The following EYS variants were observed in gnomAD, a reference collection of about 807,000 sequenced individuals.
EYS encodes protein eyes shut homolog.
Under a neutral mutation model 282.1 loss-of-function variants are expected in EYS, and 250 were observed. The observed-to-expected ratio is 0.89, with a 90% CI of 0.80 to 0.98. EYS has a LOEUF of 0.98. EYS is among the 50% of genes least tolerant of loss of function. EYS has a pLI of 0.00. For synonymous variants in EYS, 1,355 were observed against 1,282.9 expected, an observed-to-expected ratio of 1.06 and a Z score of -1.20; for missense variants, 4,016 against 3,709.0, an observed-to-expected ratio of 1.08 and a Z score of -2.15.
intron 5 of EYS, among the ~76,000 whole-genome samples, chr6:65,407,475 C>T (rs907010125): frequency 1.3e-5 from 2 of 152,008 alleles, no homozygotes; most frequent in Non-Finnish European, 2.9e-5. Context: ...AGGCTGGTCT[C>T]GAACTCCTGA....
chr6:64,045,778 A>G (rs940862470), intron 33 of EYS, among the ~76,000 whole-genome samples: 1 of 151,000 alleles, frequency 6.6e-6, no homozygotes, highest in Non-Finnish European at 1.5e-5. Context: ...GTTAAATATT[A>G]TGCAATATGT....
chr6:64,575,860 G>A (rs1423733725), intron 26 of EYS, among the ~76,000 whole-genome samples: 2 of 151,990 alleles, frequency 1.3e-5, no homozygotes, highest in Non-Finnish European at 2.9e-5. Flanking sequence ...TGAAAATTTG[G>A]GGACAGGCTA....
At chr6:64,010,729 T>A (rs940884075) in intron 33 of EYS, among the ~76,000 whole-genome samples, 1 of 152,176 alleles carries the variant, frequency 6.6e-6, no homozygotes, top group African/African-American at 2.4e-5. Context: ...ACCTGCTGAA[T>A]GAGAAACGTA....
chr6:65,262,167 A>T (rs79309285), intron 12 of EYS, among the ~76,000 whole-genome samples: 4,081 of 152,138 alleles, frequency 0.027, 168 homozygotes, highest in African/African-American at 0.091. Flanking sequence ...AGAACTCATT[A>T]TATCTTTCCA....
chr6:65,389,118 C>G (rs1407809897), intron 7 of EYS, among the ~76,000 whole-genome samples: 2 of 152,080 alleles, frequency 1.3e-5, no homozygotes, highest in African/African-American at 4.8e-5. Flanking sequence ...TGTACAGTTT[C>G]CTTTCAAAAC....
At chr6:64,296,591 T>TAA (rs1769028578) in intron 30 of EYS, among the ~76,000 whole-genome samples, 1 of 4,618 alleles carries the variant, frequency 2.2e-4, no homozygotes, top group Non-Finnish European at 4.8e-4. Context: ...TATACATATA[T>TAA]ATATATATTT....
chr6:64,427,854 T>C (rs1774456660), intron 28 of EYS, among the ~76,000 whole-genome samples: 1 of 152,146 alleles, frequency 6.6e-6, no homozygotes, highest in African/African-American at 2.4e-5. Context: ...AGGAATTTGA[T>C]AGTATTTGTA....
intron 12 of EYS, among the ~76,000 whole-genome samples, chr6:65,273,450 A>C (rs1767957225): frequency 6.6e-6 from 1 of 151,498 alleles, no homozygotes; most frequent in Non-Finnish European, 1.5e-5. Flanking sequence ...AGGGTTACAA[A>C]GAAAAGAACA....
intron 5 of EYS, among the ~76,000 whole-genome samples, chr6:65,426,860 TAA>T (rs2150380928): frequency 6.6e-6 from 1 of 152,272 alleles, no homozygotes; most frequent in Admixed American, 6.5e-5. Flanking sequence ...ATGTAACATC[TAA>T]AAATGAATCT....
chr6:63,802,715 C>T (rs750637758), intron 37 of EYS, among the ~76,000 whole-genome samples: 1 of 151,566 alleles, frequency 6.6e-6, no homozygotes, highest in African/African-American at 2.4e-5. Context: ...ACGTTATACC[C>T]CATAAATATG....
chr6:64,664,711 T>A (rs927443954), intron 22 of EYS, among the ~76,000 whole-genome samples: 1 of 152,106 alleles, frequency 6.6e-6, no homozygotes, highest in Admixed American at 6.5e-5. Flanking sequence ...CAGAGGGAGC[T>A]CATTTGACCT....
chr6:65,647,438 G>T (rs1262354321), intron 1 of EYS, among the ~76,000 whole-genome samples: 9 of 152,176 alleles, frequency 5.9e-5, no homozygotes, highest in Admixed American at 5.9e-4. Context: ...TTCTACAAAT[G>T]ATGCTGGGAT....
chr6:63,729,329 C>G (rs912495586), intron 41 of EYS, among the ~76,000 whole-genome samples: 25 of 152,034 alleles, frequency 1.6e-4, no homozygotes, highest in African/African-American at 6.0e-4. Flanking sequence ...TTAATGAAAT[C>G]TAATTTATCA....
intron 35 of EYS, among the ~76,000 whole-genome samples, chr6:63,960,459 A>AT (rs760482274): frequency 2.0e-5 from 3 of 152,230 alleles, no homozygotes; most frequent in Non-Finnish European, 4.4e-5. Context: ...ATGACAAAGG[A>AT]TTTAGAGTAT....
At chr6:65,484,968 A>C (rs1248943529) in intron 5 of EYS, among the ~76,000 whole-genome samples, 1 of 152,224 alleles carries the variant, frequency 6.6e-6, no homozygotes, top group African/African-American at 2.4e-5. Context: ...TAGAGACCAT[A>C]TGGATCAAGA....
intron 22 of EYS, among the ~76,000 whole-genome samples, chr6:64,742,495 C>T (rs545894865): frequency 4.6e-5 from 7 of 152,254 alleles, no homozygotes; most frequent in East Asian, 1.9e-4. Flanking sequence ...CTAAATACTT[C>T]GCTATCTTGA....
chr6:65,631,946 C>G (rs1171104690), intron 2 of EYS, among the ~76,000 whole-genome samples: 1 of 152,140 alleles, frequency 6.6e-6, no homozygotes, highest in African/African-American at 2.4e-5. Context: ...CTCTTTAGTT[C>G]TCACATCACT....
chr6:64,436,764 A>G lies in EYS; in HGVS notation c.5836-499T>C, dbSNP rs1291510727. The stretch of plus-strand genomic sequence containing the variant: ...ATTTGTAGAATTACTGTTAATGGCA[A>G]CTAAGTTATGATCTAGAGAGGAAAA... On this transcript the variant is annotated intron_variant, in intron 27 of 42. Transcript: ENST00000503581. Among the ~76,000 whole-genome samples the G allele has an allele frequency of 2.0e-5, 3 of 151,936 alleles. No homozygotes were observed. The East Asian group carries it at 5.8e-4, about 29-fold the overall frequency.
At chr6:63,949,530 C>G (rs557553255) in intron 35 of EYS, among the ~76,000 whole-genome samples, 2 of 152,248 alleles carry the variant, frequency 1.3e-5, no homozygotes, top group South Asian at 4.1e-4. Flanking sequence ...TAGACATATT[C>G]TTTTCATTGC....
Sources: gnomAD v4.1 joint callset for allele counts (sites outside exome capture counted in the v4.1 genomes callset) on GRCh38, gnomAD v4.1.1 for gene constraint, MANE v1.5 for transcripts, NCBI Gene and HGNC (gene_info 2026-07-23, HGNC 2026-07-21) for gene names.